Variants in UBA52 observed in about 807,000 individuals in gnomAD.
The protein encoded by UBA52 is ubiquitin-ribosomal protein eL40 fusion protein.
In UBA52, 1 loss-of-function variant was observed where a neutral mutation model predicts 15.3. The ratio of observed to expected loss-of-function variants is 0.07; its 90% confidence interval spans 0.02 to 0.31. UBA52 has a LOEUF of 0.31. Ranked by LOEUF, UBA52 falls within the 10% of genes least tolerant of loss-of-function variation. UBA52 has a pLI of 1.00. For synonymous variants in UBA52, 50 were observed against 58.3 expected (o/e 0.86, Z 0.65); for missense variants, 87 against 168.0 (o/e 0.52, Z 2.66).
At position 18,573,696 on chromosome 19, in the gene UBA52, C is replaced by G; in HGVS notation, c.138C>G (p.Ala46=). 6.2e-7 allele frequency: 1 copy of G among 1,614,126 alleles called. No homozygotes were observed. Among genetic ancestry groups the G allele is most frequent in the Non-Finnish European group, 8.5e-7 (1 of 1,180,032 alleles). The change falls in exon 3 of 5, where the codon GCC becomes GCG. Residue 46 remains alanine (A), a synonymous_variant. Transcript: ENST00000442744. ...IPPDQQRLIF[A]GKQLEDGRTL... is the part of the protein sequence containing the mutation. Reference sequence around the variant, plus strand: ...CTGACCAGCAGCGTCTGATATTTGCCGGCAAACAGCTGGAGGATGGCCGCA... The same window carrying G: ...CTGACCAGCAGCGTCTGATATTTGCGGGCAAACAGCTGGAGGATGGCCGCA...
chr19:18,567,415 G>T, upstream of UBA52: 1 of 666,484 alleles, frequency 1.5e-6, no homozygotes. Flanking sequence ...GGAGAATGTG[G>T]ATAAGCAGCA....
At chr19:18,567,597 G>A (rs1364175580), upstream of UBA52, among the ~76,000 whole-genome samples, 3 of 152,152 alleles carry the variant, frequency 2.0e-5, no homozygotes, top group African/African-American at 7.2e-5. Context: ...GAGTATCACC[G>A]TTTCATGGAG....
chr19:18,573,001 GC>G (rs1397120788), intron 1 of UBA52: 1 of 1,231,824 alleles, frequency 8.1e-7, no homozygotes, highest in Non-Finnish European at 1.0e-6. Context: ...TCCTTCCGCC[GC>G]TAAACCTAAG....
upstream of UBA52, chr19:18,568,558 C>CCCATGTCCAGCCTGGCT: frequency 6.2e-7 from 1 of 1,613,898 alleles, no homozygotes. Context: ...GAGGACCTGT[C>CCCATGTCCAGCCTGGCT]CCATGTCCAG....
At chr19:18,569,008 T>C (rs1975394941), upstream of UBA52, 5 of 257,812 alleles carry the variant, frequency 1.9e-5, no homozygotes, top group Admixed American at 2.5e-4. Context: ...CAGGACCTCC[T>C]TGAGGTGCAC....
upstream of UBA52, chr19:18,568,577 C>T (rs371136337): frequency 1.2e-6 from 2 of 1,613,386 alleles, no homozygotes; most frequent in Admixed American, 1.7e-5. Context: ...AGCCTGGCTC[C>T]CCAGCCATCA....
At chr19:18,572,717 GT>G in intron 1 of UBA52, 2 of 909,688 alleles carry the variant, frequency 2.2e-6, no homozygotes, top group Non-Finnish European at 2.6e-6. Context: ...GTGGTTTGGG[GT>G]CAAGGCAAGA....
intron 3 of UBA52, 132 bp from the exon 4 acceptor site, chr19:18,574,738 T>C (rs1386238354): frequency 3.4e-6 from 4 of 1,163,000 alleles, no homozygotes; most frequent in Non-Finnish European, 4.8e-6. Flanking sequence ...CGTAGAACAC[T>C]CGGGGGATCC....
chr19:18,564,808 G>C, the UBA52 span: 14 of 1,591,730 alleles, frequency 8.8e-6, no homozygotes, highest in Non-Finnish European at 1.2e-5. Context: ...AGTCTTCTGG[G>C]CCAGGTTGGG....
upstream of UBA52, among the ~76,000 whole-genome samples, chr19:18,571,187 G>A (rs1975466134): frequency 6.6e-6 from 1 of 151,496 alleles, no homozygotes; most frequent in Non-Finnish European, 1.5e-5. Context: ...TCGCACACTT[G>A]TAATCGCAGC....
the UBA52 span, among the ~76,000 whole-genome samples, chr19:18,565,511 C>T: frequency 3.3e-5 from 5 of 151,858 alleles, no homozygotes; most frequent in East Asian, 1.9e-4. Flanking sequence ...GGATTACAGG[C>T]GTGAGCCACT....
chr19:18,564,373 G>A, the UBA52 span, among the ~76,000 whole-genome samples: 1 of 152,074 alleles, frequency 6.6e-6, no homozygotes, highest in South Asian at 2.1e-4. Context: ...TGTAATCCCA[G>A]CACTTTGGGA....
rs550994330 is a variant in UBA52 at position 18,574,991 on chromosome 19, T to C, written c.293+19T>C. ...GCCGCAAGTATGTGTGCTCCGATGC[T>C]TGGGGGGCTGTGGGGGCTGCCGGAG... On this transcript the variant is annotated intron_variant, in intron 4 of 4. Coordinates refer to ENST00000442744, the MANE Select transcript of UBA52 (RefSeq NM_001033930.3). 96 of 1,614,132 alleles carry C rather than the reference T, an allele frequency of 5.9e-5. No homozygotes were observed. The African/African-American group carries it at 1.2e-3, about 20-fold the overall frequency.
At chr19:18,567,245 A>T, upstream of UBA52, 3 of 1,532,598 alleles carry the variant, frequency 2.0e-6, no homozygotes, top group Non-Finnish European at 2.7e-6. Flanking sequence ...AGGCTTCTGG[A>T]AGGCCACCTT....
upstream of UBA52, chr19:18,567,049 T>G: frequency 2.3e-6 from 3 of 1,318,210 alleles, no homozygotes; most frequent in East Asian, 7.2e-5. Flanking sequence ...TGCCCTCAGC[T>G]GGCAGCAGGG....
At chr19:18,572,044 C>T (rs1975513900) in intron 1 of UBA52, 135 bp downstream of exon 1, 2 of 152,246 alleles carry the variant, frequency 1.3e-5, no homozygotes, top group Non-Finnish European at 2.9e-5. Flanking sequence ...GAGGCCACGG[C>T]TCGGAGCCCA....
chr19:18,570,512 T>C (rs1339613037), upstream of UBA52, among the ~76,000 whole-genome samples: 3 of 137,094 alleles, frequency 2.2e-5, no homozygotes, highest in Non-Finnish European at 3.2e-5. Context: ...TGGCACTTTT[T>C]TTTTTTTTTT....
At chr19:18,574,740 G>C in intron 3 of UBA52, 130 bp from the exon 4 acceptor site, 2 of 1,169,722 alleles carry the variant, frequency 1.7e-6, no homozygotes, top group Non-Finnish European at 2.4e-6. Context: ...TAGAACACTC[G>C]GGGGATCCCG....
chr19:18,574,377 C>T (rs1024458846), intron 3 of UBA52, among the ~76,000 whole-genome samples: 1 of 151,866 alleles, frequency 6.6e-6, no homozygotes, highest in African/African-American at 2.4e-5. Flanking sequence ...TGACCTCCGT[C>T]TCCCGGGTTC....
Sources: gnomAD v4.1 joint callset for allele counts (sites outside exome capture counted in the v4.1 genomes callset) on GRCh38, gnomAD v4.1.1 for gene constraint, MANE v1.5 for transcripts, NCBI Gene and HGNC (gene_info 2026-07-23, HGNC 2026-07-21) for gene names.